Variants in HIVEP1 observed in about 807,000 individuals in gnomAD.
HIVEP1 encodes zinc finger protein 40.
A neutral mutation model predicts 180.0 loss-of-function variants in HIVEP1; 36 were observed. The ratio of observed to expected loss-of-function variants is 0.20; its 90% CI spans 0.15 to 0.26. The LOEUF (loss-of-function observed/expected upper bound fraction) is 0.26. Ranked by LOEUF, HIVEP1 falls within the 10% of genes least tolerant of loss-of-function variation. HIVEP1 has a pLI of 1.00. For missense variants in HIVEP1, 3,143 were observed against 3,268.7 expected (o/e 0.96, Z 0.94); for synonymous variants, 1,239 against 1,239.0 (o/e 1.00, Z 0.00).
chr6:12,160,652 G>A (rs773470400), intron 7 of HIVEP1, among the ~76,000 whole-genome samples: 1 of 152,200 alleles, frequency 6.6e-6, no homozygotes, highest in East Asian at 1.9e-4. Flanking sequence ...GAGGGGGGCC[G>A]GTGTTACCGA....
In HIVEP1 at chr6:12,122,357, A is replaced by G. The variant is rs201020234; in HGVS notation, c.2562A>G (p.Ile854Met). Residue 854 changes from isoleucine to methionine, a missense_variant, in exon 4 of 9, where the codon ATA becomes ATG. By Grantham distance (10) the Ile-to-Met change is conservative. This residue lies in a region of HIVEP1 where 204 missense variants were observed against 243.7 expected (regional missense o/e 0.84). Coordinates refer to ENST00000379388, the MANE Select transcript of HIVEP1 (RefSeq NM_002114.4). The stretch of plus-strand genomic sequence containing the variant: ...GTTATTCAGCAGTACCTGCAAATAT[A>G]ATACCTCCTCCTCATCCACTAAGAG... The part of the protein sequence containing the change: ...TTGYSAVPAN[I>M]IPPPHPLRGS... 6.2e-7 allele frequency: 1 copy of G among 1,614,206 alleles called. No individual in the cohort carries two copies. Among genetic ancestry groups the G allele is most frequent in the East Asian group, 2.2e-5 (1 of 44,888 alleles).
chr6:12,176,118 AC>A, the HIVEP1 span, among the ~76,000 whole-genome samples: 123 of 152,292 alleles, frequency 8.1e-4, no homozygotes, highest in African/African-American at 2.8e-3. Context: ...CAGGTTACTC[AC>A]AACTGGCACA....
rs1174408838 is a variant in HIVEP1 at position 12,012,516 on chromosome 6, C to T, written c.-154C>T. On this transcript the variant is annotated 5_prime_UTR_variant, in exon 1 of 9. Transcript: ENST00000379388. ...GCGGCCGCCGCCATCAGCAGCGCAG[C>T]TCCAGGGCCGGCTGCAGCGGCAGCG... 4 of 150,310 alleles carry T rather than the reference C, an allele frequency of 2.7e-5. No homozygotes were observed. Among genetic ancestry groups the T allele is most frequent in the African/African-American group, 9.7e-5 (4 of 41,174 alleles). 9.3% of individuals were successfully genotyped at this position (150,310 alleles called of 1,614,324 possible). A position where few individuals can be genotyped will look rare whatever the true frequency, so the allele number is the denominator to read the frequency against.
At chr6:12,194,758 C>T in the HIVEP1 span, among the ~76,000 whole-genome samples, 1 of 152,050 alleles carries the variant, frequency 6.6e-6, no homozygotes, top group Non-Finnish European at 1.5e-5. Flanking sequence ...GCAGAGATCG[C>T]GCCACTGCAC....
chr6:12,168,378 A>AT (rs1760815804), downstream of HIVEP1, among the ~76,000 whole-genome samples: 3 of 125,964 alleles, frequency 2.4e-5, no homozygotes, highest in Non-Finnish European at 3.3e-5. Context: ...ATATACATGT[A>AT]TATATGTATA....
At chr6:12,126,107 C>A (rs1256297165) in intron 4 of HIVEP1, among the ~76,000 whole-genome samples, 1 of 152,132 alleles carries the variant, frequency 6.6e-6, no homozygotes, top group Non-Finnish European at 1.5e-5. Context: ...TTACCCTGAG[C>A]ACTTTTCTTT....
At chr6:12,102,299 A>G (rs1210262243) in intron 3 of HIVEP1, among the ~76,000 whole-genome samples, 1 of 152,176 alleles carries the variant, frequency 6.6e-6, no homozygotes, top group East Asian at 1.9e-4. Context: ...ATTATTCTCC[A>G]GTATACATGG....
chr6:12,211,916 A>T, the HIVEP1 span, among the ~76,000 whole-genome samples: 235 of 152,022 alleles, frequency 1.5e-3, 2 homozygotes, highest in South Asian at 8.3e-3. Context: ...CCTAAAAAAA[A>T]TTTTTTTTAA....
intron 2 of HIVEP1, among the ~76,000 whole-genome samples, chr6:12,037,335 T>G (rs938990659): frequency 1.3e-5 from 2 of 152,214 alleles, no homozygotes; most frequent in Admixed American, 6.5e-5. Flanking sequence ...TTAGTAAACA[T>G]AAGTGTAGAA....
the HIVEP1 span, among the ~76,000 whole-genome samples, chr6:12,172,420 C>T: frequency 6.6e-6 from 1 of 151,892 alleles, no homozygotes; most frequent in African/African-American, 2.4e-5. Context: ...TATTTCCCCA[C>T]CACCTAGACC....
intron 3 of HIVEP1, among the ~76,000 whole-genome samples, chr6:12,106,626 T>C (rs1241674388): frequency 6.6e-6 from 1 of 152,220 alleles, no homozygotes; most frequent in South Asian, 2.1e-4. Flanking sequence ...TGATTTCTTA[T>C]GGGTTCTCTA....
At chr6:12,086,010 A>G (rs1036133039) in intron 2 of HIVEP1, among the ~76,000 whole-genome samples, 1 of 152,156 alleles carries the variant, frequency 6.6e-6, no homozygotes, top group Admixed American at 6.6e-5. Flanking sequence ...ATTTTCTTAC[A>G]CAAAATTTTT....
chr6:12,075,290 C>T (rs76374788), intron 2 of HIVEP1, among the ~76,000 whole-genome samples: 3,470 of 152,278 alleles, frequency 0.023, 136 homozygotes, highest in African/African-American at 0.079. Context: ...CCAATCCCCT[C>T]GAAAGGAATG....
At position 12,062,871 on chromosome 6, in the gene HIVEP1, T is replaced by C. The variant is rs545470319; in HGVS notation, c.41-26313T>C. On this transcript the variant is annotated intron_variant, in intron 2 of 8. Transcript: ENST00000379388. ...TGTAGTCTGGCATAGTGGGAAAAGC[T>C]TTCTGTTCAGGTGTCCTGGGATGGA... 9.4e-4 allele frequency among the ~76,000 whole-genome samples: 143 copies of C among 152,264 alleles called. 1 individual carries two copies. The highest frequency in any genetic ancestry group is 6.8e-3 in the Middle Eastern group (2 of 294).
chr6:12,189,340 T>G, the HIVEP1 span, among the ~76,000 whole-genome samples: 1 of 152,022 alleles, frequency 6.6e-6, no homozygotes, highest in Non-Finnish European at 1.5e-5. Flanking sequence ...ATAAATTTGA[T>G]GACATAGAAA....
intron 2 of HIVEP1, among the ~76,000 whole-genome samples, chr6:12,055,739 T>A (rs1770826450): frequency 6.6e-6 from 1 of 152,190 alleles, no homozygotes; most frequent in Non-Finnish European, 1.5e-5. Context: ...GCATCCTGGA[T>A]TGGAATCATG....
intron 2 of HIVEP1, among the ~76,000 whole-genome samples, chr6:12,029,889 A>T (rs540382814): frequency 6.6e-6 from 1 of 151,868 alleles, no homozygotes. Flanking sequence ...TGTTTCTAGC[A>T]CTCTCCTCTT....
intron 2 of HIVEP1, among the ~76,000 whole-genome samples, chr6:12,049,504 C>T (rs960790747): frequency 2.0e-5 from 3 of 152,178 alleles, no homozygotes; most frequent in Non-Finnish European, 2.9e-5. Context: ...TCTGCCTGAT[C>T]GGATGTGTCT....
the HIVEP1 span, among the ~76,000 whole-genome samples, chr6:12,188,420 T>G: frequency 3.3e-5 from 5 of 152,030 alleles, no homozygotes; most frequent in African/African-American, 1.2e-4. Flanking sequence ...ACCACCACCA[T>G]GTATAAGACA....
Sources: gnomAD v4.1 joint callset for allele counts (sites outside exome capture counted in the v4.1 genomes callset) on GRCh38, gnomAD v4.1.1 for gene constraint, gnomAD v4.1.1 regional missense constraint, MANE v1.5 for transcripts, NCBI Gene and HGNC (gene_info 2026-07-23, HGNC 2026-07-21) for gene names.